Variants in PLXDC2 observed in about 807,000 individuals in gnomAD.
PLXDC2 encodes plexin domain containing 2, also known as plexin domain-containing protein 2.
Under a neutral mutation model 68.9 loss-of-function variants are expected in PLXDC2, and 40 were observed. The ratio of observed to expected loss-of-function variants is 0.58; its 90% confidence interval spans 0.45 to 0.76. The LOEUF (loss-of-function observed/expected upper bound fraction) is 0.76, where lower values mean the gene tolerates loss of function less well. Ranked by LOEUF, PLXDC2 falls within the 30% of genes least tolerant of loss-of-function variation. The pLI, the probability that PLXDC2 is intolerant of heterozygous loss-of-function variation, is 0.00. For synonymous variants in PLXDC2, 243 were observed against 234.2 expected, an observed-to-expected ratio of 1.04 and a Z score of -0.34; for missense variants, 644 against 661.9, an observed-to-expected ratio of 0.97 and a Z score of 0.30.
chr10:20,235,001 T>C (rs1380755842), intron 12 of PLXDC2, among the ~76,000 whole-genome samples: 1 of 152,212 alleles, frequency 6.6e-6, no homozygotes, highest in Non-Finnish European at 1.5e-5. Flanking sequence ...AGAAGCTGCT[T>C]ACAGATAACT....
chr10:20,028,520 G>A (rs963678963), intron 2 of PLXDC2, among the ~76,000 whole-genome samples: 1 of 152,078 alleles, frequency 6.6e-6, no homozygotes, highest in Non-Finnish European at 1.5e-5. Context: ...TCCCATATTT[G>A]TTTTTTAGTT....
chr10:20,265,652 T>C (rs1324503201), intron 13 of PLXDC2, among the ~76,000 whole-genome samples: 1 of 152,210 alleles, frequency 6.6e-6, no homozygotes, highest in African/African-American at 2.4e-5. Flanking sequence ...CTCATAGTTA[T>C]AATCTCTGAG....
chr10:19,937,050 T>G (rs1833736719), intron 1 of PLXDC2, among the ~76,000 whole-genome samples: 1 of 152,220 alleles, frequency 6.6e-6, no homozygotes, highest in Non-Finnish European at 1.5e-5. Flanking sequence ...CATGTGTTCC[T>G]TGCTCTCCAA....
intron 10 of PLXDC2, among the ~76,000 whole-genome samples, chr10:20,213,935 A>G (rs1835102651): frequency 6.6e-6 from 1 of 152,104 alleles, no homozygotes; most frequent in African/African-American, 2.4e-5. Context: ...TATTATATGT[A>G]ATCTCTTTCC....
intron 4 of PLXDC2, among the ~76,000 whole-genome samples, chr10:20,094,659 G>A (rs1220509979): frequency 6.6e-6 from 1 of 152,054 alleles, no homozygotes; most frequent in African/African-American, 2.4e-5. Context: ...ATAGTTCATG[G>A]TATAAGGTTT....
intron 4 of PLXDC2, among the ~76,000 whole-genome samples, chr10:20,087,409 A>T (rs1264333731): frequency 6.6e-6 from 1 of 152,238 alleles, no homozygotes; most frequent in Non-Finnish European, 1.5e-5. Flanking sequence ...AAAATTTGCC[A>T]AGTTGTCCAT....
intron 6 of PLXDC2, among the ~76,000 whole-genome samples, chr10:20,152,087 T>C (rs1170001327): frequency 1.3e-5 from 2 of 152,154 alleles, no homozygotes; most frequent in Non-Finnish European, 1.5e-5. Flanking sequence ...GTGCCAACCA[T>C]GCTAAGCATG....
chr10:19,941,197 TG>T (rs1833813383), intron 1 of PLXDC2, among the ~76,000 whole-genome samples: 1 of 152,184 alleles, frequency 6.6e-6, no homozygotes, highest in African/African-American at 2.4e-5. Flanking sequence ...TTCAAGTAAC[TG>T]GATGTGCAAA....
chr10:20,014,381 TG>T (rs1835170128), intron 2 of PLXDC2, among the ~76,000 whole-genome samples: 1 of 62,622 alleles, frequency 1.6e-5, no homozygotes, highest in African/African-American at 5.1e-5. Context: ...CTTCCTTCCT[TG>T]CTTCCTTCCT....
chr10:20,173,280 G>C (rs565993973), intron 7 of PLXDC2, among the ~76,000 whole-genome samples: 1 of 152,310 alleles, frequency 6.6e-6, no homozygotes, highest in African/African-American at 2.4e-5. Context: ...GGAAATGTTA[G>C]TGAATCATTC....
chr10:20,200,351 T>C, intron 9 of PLXDC2, among the ~76,000 whole-genome samples: 1 of 151,990 alleles, frequency 6.6e-6, no homozygotes, highest in South Asian at 2.1e-4. Context: ...ATAAGAAATG[T>C]TAATTAAAAC....
intron 1 of PLXDC2, among the ~76,000 whole-genome samples, chr10:19,883,884 CTTTTTTTTTTTTTTTTTTTTTTT>C (rs397846779): frequency 5.4e-5 from 3 of 55,090 alleles, no homozygotes; most frequent in African/African-American, 2.8e-4. Flanking sequence ...TCCCTTTAAA[CTTTTTTTTTTTTTTTTTTTTTTT>C]TTTTAGCAGA....
chr10:19,911,169 T>C (rs546129842), intron 1 of PLXDC2, among the ~76,000 whole-genome samples: 1 of 151,856 alleles, frequency 6.6e-6, no homozygotes, highest in East Asian at 1.9e-4. Flanking sequence ...CCATATAATA[T>C]TTGAAAGTGT....
At chr10:20,220,537 T>C (rs1290095719) in intron 12 of PLXDC2, among the ~76,000 whole-genome samples, 2 of 152,178 alleles carry the variant, frequency 1.3e-5, no homozygotes, top group African/African-American at 4.8e-5. Context: ...ATTTTGTTTA[T>C]CTAAAATATT....
intron 1 of PLXDC2, among the ~76,000 whole-genome samples, chr10:19,892,474 A>G (rs1837982340): frequency 6.6e-6 from 1 of 152,194 alleles, no homozygotes; most frequent in African/African-American, 2.4e-5. Flanking sequence ...ATGCTTGTTG[A>G]AATAATTCTA....
intron 3 of PLXDC2, among the ~76,000 whole-genome samples, chr10:20,058,858 G>A (rs1379159625): frequency 6.6e-6 from 1 of 152,166 alleles, no homozygotes; most frequent in Admixed American, 6.5e-5. Context: ...GGGCATACAA[G>A]TGCTACCAGG....
intron 3 of PLXDC2, among the ~76,000 whole-genome samples, chr10:20,064,432 G>A (rs985560776): frequency 6.6e-6 from 1 of 152,000 alleles, no homozygotes; most frequent in Non-Finnish European, 1.5e-5. Flanking sequence ...GTGTTAGCCA[G>A]GATGGTCTCG....
intron 7 of PLXDC2, among the ~76,000 whole-genome samples, chr10:20,176,661 T>C (rs1313005332): frequency 6.6e-6 from 1 of 152,158 alleles, no homozygotes; most frequent in Non-Finnish European, 1.5e-5. Flanking sequence ...AATGGTATCA[T>C]CTTACCTTCT....
chr10:19,948,560 A>G (rs1484215895), intron 1 of PLXDC2, among the ~76,000 whole-genome samples: 1 of 151,936 alleles, frequency 6.6e-6, no homozygotes, highest in African/African-American at 2.4e-5. Context: ...TATTGTTTCA[A>G]TGGAAAACTA....
Sources: allele counts gnomAD v4.1 joint callset (sites outside exome capture counted in the v4.1 genomes callset), GRCh38; gene constraint gnomAD v4.1.1; transcripts MANE v1.5; gene names NCBI Gene and HGNC (gene_info 2026-07-23, HGNC 2026-07-21).